SLC22A3: variants seen among roughly 807,000 people sequenced by gnomAD.
SLC22A3 encodes solute carrier family 22 member 3.
SLC22A3 carries 51 observed loss-of-function variants against 59.1 expected under a neutral mutation model. That is an observed-to-expected ratio of 0.86 (90% CI 0.69 to 1.09). The LOEUF is 1.09. Among genes scored for constraint, SLC22A3 ranks in the 50% least tolerant of loss-of-function variants. SLC22A3 has a pLI of 0.00. For missense variants in SLC22A3, 711 were observed against 726.3 expected, an observed-to-expected ratio of 0.98 and a Z score of 0.24; for synonymous variants, 325 against 292.0, an observed-to-expected ratio of 1.11 and a Z score of -1.15.
chr6:160,366,480 G>T (rs932150906), intron 1 of SLC22A3, among the ~76,000 whole-genome samples: 1 of 152,210 alleles, frequency 6.6e-6, no homozygotes, highest in African/African-American at 2.4e-5. Context: ...GGCATTGAGT[G>T]TGTGGCTTTT....
chr6:160,423,195 T>C (rs1583499871), intron 5 of SLC22A3, among the ~76,000 whole-genome samples: 1 of 152,232 alleles, frequency 6.6e-6, no homozygotes, highest in African/African-American at 2.4e-5. Context: ...TATTCCATGG[T>C]GTACATGTGC....
intron 1 of SLC22A3, among the ~76,000 whole-genome samples, chr6:160,366,682 C>T (rs1605965): frequency 0.23 from 34,732 of 152,150 alleles, 4,352 homozygotes; most frequent in East Asian, 0.31. Context: ...ACACATCTGC[C>T]TGGACATCCA....
intron 1 of SLC22A3, among the ~76,000 whole-genome samples, chr6:160,367,410 T>G (rs911488253): frequency 6.6e-6 from 1 of 152,168 alleles, no homozygotes; most frequent in African/African-American, 2.4e-5. Context: ...AAGATGAGAT[T>G]TGGGTGGACA....
chr6:160,356,374 C>G (rs577133848), intron 1 of SLC22A3, among the ~76,000 whole-genome samples: 2 of 152,202 alleles, frequency 1.3e-5, no homozygotes, highest in Admixed American at 6.5e-5. Context: ...GGGGGTGTGA[C>G]CTGGAACATG....
intron 5 of SLC22A3, among the ~76,000 whole-genome samples, chr6:160,421,016 C>T (rs1787712382): frequency 6.6e-6 from 1 of 152,188 alleles, no homozygotes; most frequent in Admixed American, 6.5e-5. Context: ...AGTCCTTGCC[C>T]ATTCTACTGT....
chr6:160,433,950 A>G (rs1788248960), intron 5 of SLC22A3, among the ~76,000 whole-genome samples: 2 of 152,216 alleles, frequency 1.3e-5, no homozygotes, highest in African/African-American at 2.4e-5. Flanking sequence ...TTTGAAAAGC[A>G]AAGAAAAAAG....
intron 2 of SLC22A3, among the ~76,000 whole-genome samples, 163 bp downstream of exon 2, chr6:160,398,245 T>C (rs1786606312): frequency 6.6e-6 from 1 of 152,254 alleles, no homozygotes; most frequent in Non-Finnish European, 1.5e-5. Context: ...GTTTGACTAA[T>C]TCTTTTCTTT....
intron 5 of SLC22A3, among the ~76,000 whole-genome samples, chr6:160,421,787 G>T (rs565665450): frequency 6.6e-6 from 1 of 152,066 alleles, no homozygotes; most frequent in Non-Finnish European, 1.5e-5. Context: ...CGTTTCAAGC[G>T]TCTGCTGGGG....
chr6:160,410,304 A>C (rs563006267), intron 4 of SLC22A3, among the ~76,000 whole-genome samples: 1 of 152,376 alleles, frequency 6.6e-6, no homozygotes, highest in Non-Finnish European at 1.5e-5. Context: ...GGCCTGAGCC[A>C]CCACACCCAG....
At chr6:160,389,415 G>A (rs574879423) in intron 1 of SLC22A3, among the ~76,000 whole-genome samples, 62 of 152,092 alleles carry the variant, frequency 4.1e-4, no homozygotes, top group Non-Finnish European at 8.1e-4. Flanking sequence ...GGGAGGCCAC[G>A]GCAAAGGATG....
chr6:160,405,944 A>G (rs1453127155), intron 2 of SLC22A3, among the ~76,000 whole-genome samples: 5 of 152,184 alleles, frequency 3.3e-5, no homozygotes, highest in African/African-American at 1.2e-4. Flanking sequence ...GAACAGGCAG[A>G]GCACAGAGGA....
chr6:160,367,214 T>C (rs113740050), intron 1 of SLC22A3, among the ~76,000 whole-genome samples: 137 of 152,208 alleles, frequency 9.0e-4, no homozygotes, highest in African/African-American at 2.9e-3. Flanking sequence ...GAAGGGGAAG[T>C]AAACATGTCC....
intron 1 of SLC22A3, among the ~76,000 whole-genome samples, chr6:160,362,863 G>A (rs1246258741): frequency 6.6e-6 from 1 of 152,218 alleles, no homozygotes; most frequent in Non-Finnish European, 1.5e-5. Context: ...CGCGCTCAGA[G>A]CTCCAACAGG....
intron 1 of SLC22A3, among the ~76,000 whole-genome samples, chr6:160,368,188 C>T (rs982780972): frequency 1.2e-4 from 19 of 152,156 alleles, no homozygotes; most frequent in African/African-American, 4.6e-4. Context: ...CACTCACTCT[C>T]CACTTCCCTG....
At chr6:160,424,124 G>T (rs764716880) in intron 5 of SLC22A3, among the ~76,000 whole-genome samples, 1 of 152,056 alleles carries the variant, frequency 6.6e-6, no homozygotes, top group Non-Finnish European at 1.5e-5. Context: ...TCTCCTAGCC[G>T]CTGTAACCTC....
In SLC22A3 at chr6:160,407,206, C is replaced by G. The variant is rs1349654368; in HGVS notation, c.688+11C>G. 1.9e-6 allele frequency: 3 copies of G among 1,590,062 alleles called. No homozygotes were observed. Among genetic ancestry groups the G allele is most frequent in the African/African-American group, 1.4e-5 (1 of 74,004 alleles). On this transcript the variant is annotated intron_variant, in intron 3 of 10. Transcript: ENST00000275300. ...CTTGCTACGTGATTGGTAAGACATT[C>G]TTACACCATCTTCTCTATTTGGAAA...
intron 1 of SLC22A3, among the ~76,000 whole-genome samples, chr6:160,386,159 G>T (rs1293118047): frequency 6.6e-6 from 1 of 152,228 alleles, no homozygotes; most frequent in African/African-American, 2.4e-5. Context: ...GCACATGAAG[G>T]AGCCTCTTGG....
chr6:160,450,402 T>C (rs1275694484), intron 10 of SLC22A3, among the ~76,000 whole-genome samples: 2 of 152,212 alleles, frequency 1.3e-5, no homozygotes, highest in African/African-American at 4.8e-5. Flanking sequence ...ACCTTATGGT[T>C]GTCTTCTCTT....
chr6:160,365,795 C>T (rs1785183882), intron 1 of SLC22A3, among the ~76,000 whole-genome samples: 2 of 152,106 alleles, frequency 1.3e-5, no homozygotes. Context: ...TTAATTGACT[C>T]ACAGTACAGA....
Sources: allele counts gnomAD v4.1 joint callset (sites outside exome capture counted in the v4.1 genomes callset), GRCh38; gene constraint gnomAD v4.1.1; transcripts MANE v1.5; gene names NCBI Gene and HGNC (gene_info 2026-07-23, HGNC 2026-07-21).